The following MMRN2 variants were observed in gnomAD, a reference collection of about 807,000 sequenced individuals.
MMRN2 encodes multimerin 2, also known as multimerin-2.
A neutral mutation model predicts 68.8 loss-of-function variants in MMRN2; 53 were observed. The ratio of observed to expected loss-of-function variants is 0.77; its 90% CI spans 0.62 to 0.97. MMRN2 has a LOEUF of 0.97. Ranked by LOEUF, MMRN2 falls within the 50% of genes least tolerant of loss-of-function variation. The pLI is 0.00. For synonymous variants in MMRN2, 564 were observed against 551.6 expected (o/e 1.02, Z -0.32); for missense variants, 1,266 against 1,259.5 (o/e 1.01, Z -0.08).
At position 86,942,425 on chromosome 10, in the gene MMRN2, C is replaced by A; in HGVS notation, c.2359G>T (p.Asp787Tyr). ...LSRKGKKQQKDLEAPRKRDKK... is the reference protein window; with the variant it reads ...LSRKGKKQQKYLEAPRKRDKK... ...TCCCTCTTCCGGGGAGCTTCCAGGT[C>A]TTTCTGCTGCTTCTTCCCTTTCCTG... Residue 787 changes from aspartate (D) to tyrosine (Y), a missense_variant, in exon 6 of 7, where the codon GAC (aspartate) becomes TAC (tyrosine). Coordinates refer to ENST00000372027, the MANE Select transcript of MMRN2 (RefSeq NM_024756.3). 6.2e-7 allele frequency: 1 copy of A among 1,614,220 alleles called. No individual in the cohort carries two copies. The highest frequency in any genetic ancestry group is 8.5e-7 in the Non-Finnish European group (1 of 1,180,040).
At chr10:86,954,420 G>T (rs1318113348) in intron 1 of MMRN2, among the ~76,000 whole-genome samples, 1 of 152,224 alleles carries the variant, frequency 6.6e-6, no homozygotes, top group African/African-American at 2.4e-5. Context: ...TCATCGAAAT[G>T]CGAAGAAGCT....
chr10:86,956,390 C>T, intron 1 of MMRN2, among the ~76,000 whole-genome samples: 1 of 152,218 alleles, frequency 6.6e-6, no homozygotes, highest in South Asian at 2.1e-4. Context: ...GGCAGGTCCG[C>T]TCTGCGATGG....
rs1266315023 is a variant in MMRN2 at position 86,942,738 on chromosome 10, G to A, written c.2046C>T (p.His682=). Residue 682 remains histidine, a synonymous_variant, in exon 6 of 7, where the codon CAC becomes CAT. Coordinates refer to ENST00000372027, the MANE Select transcript of MMRN2 (RefSeq NM_024756.3). The part of the protein sequence containing the change: ...PRPAEHLEPS[H]DAGREEAATT... Reference sequence around the variant, plus strand: ...TGGCGGCCTCCTCGCGGCCCGCGTCGTGGCTGGGCTCCAGGTGCTCTGCCG... The same window carrying A: ...TGGCGGCCTCCTCGCGGCCCGCGTCATGGCTGGGCTCCAGGTGCTCTGCCG... 1.4e-6 allele frequency: 2 copies of A among 1,416,134 alleles called. No homozygotes were observed. Among genetic ancestry groups the A allele is most frequent in the South Asian group, 1.5e-5 (1 of 65,132 alleles). 87.7% of individuals were successfully genotyped at this position (1,416,134 alleles called of 1,614,324 possible). A position where few individuals can be genotyped will look rare whatever the true frequency, so the allele number is the denominator to read the frequency against.
intron 1 of MMRN2, chr10:86,954,406 C>G (rs1844188231): frequency 6.6e-6 from 1 of 152,612 alleles, no homozygotes; most frequent in Non-Finnish European, 1.5e-5. Context: ...AGGCCCTTCC[C>G]CCATCATCGA....
At chr10:86,950,632 C>T (rs1387123846) in intron 1 of MMRN2, among the ~76,000 whole-genome samples, 1 of 152,172 alleles carries the variant, frequency 6.6e-6, no homozygotes, top group African/African-American at 2.4e-5. Context: ...CACCTGGAGG[C>T]TCTGGGAGCC....
chr10:86,951,133 A>G (rs771371985), intron 1 of MMRN2, among the ~76,000 whole-genome samples: 1 of 152,216 alleles, frequency 6.6e-6, no homozygotes, highest in Admixed American at 6.5e-5. Context: ...GTAGCAATGC[A>G]AGCATGTTCT....
intron 1 of MMRN2, among the ~76,000 whole-genome samples, chr10:86,955,609 C>T (rs1022164067): frequency 4.6e-5 from 7 of 152,234 alleles, no homozygotes; most frequent in African/African-American, 1.7e-4. Context: ...TAGCAGAACC[C>T]AGTCTGCCTC....
chr10:86,942,552 C>T lies in MMRN2; in HGVS notation c.2232G>A (p.Leu744=). Residue 744 remains leucine, a synonymous_variant, in exon 6 of 7, where the codon TTG becomes TTA. Transcript: ENST00000372027. ...HNALFATQRS[L]EQHQRLFHSL... is the part of the protein sequence containing the mutation. ...TGTGGAAGAGCCGCTGGTGCTGCTC[C>T]AAGCTGCGCTGAGTGGCGAAGAGTG... 1 of 1,613,340 alleles carries T rather than the reference C, an allele frequency of 6.2e-7. No individual in the cohort carries two copies.
chr10:86,938,410 C>T lies in MMRN2; in HGVS notation c.2468-1285G>A, dbSNP rs1843910107. Among the ~76,000 whole-genome samples, 3 of 152,264 alleles carry T rather than the reference C, an allele frequency of 2.0e-5. No homozygotes were observed. In the South Asian group the frequency reaches 6.2e-4, roughly 31 times the overall value. On this transcript the variant is annotated intron_variant, in intron 6 of 6. Coordinates refer to ENST00000372027, the MANE Select transcript of MMRN2 (RefSeq NM_024756.3). ...TTAGGACAGGAACACTGACAGAACA[C>T]TGGTGCCAGGCCCATGCACGGGCAC...
At position 86,948,470 on chromosome 10, in the gene MMRN2, C is replaced by T. The variant is rs759984890; in HGVS notation, c.165-2781G>A. Among the ~76,000 whole-genome samples the T allele has an allele frequency of 2.0e-5, 3 of 151,846 alleles. No individual in the cohort carries two copies. In the East Asian group the frequency reaches 5.8e-4, roughly 29 times the overall value. ...AAAAGGAACTCTTGGAAATTAAAAA[C>T]GTAACAGTAAAAATGAAAATAAATT... On this transcript the variant is annotated intron_variant, in intron 1 of 6. Transcript: ENST00000372027.
At chr10:86,941,125 G>A (rs1195460104) in intron 6 of MMRN2, among the ~76,000 whole-genome samples, 1 of 152,190 alleles carries the variant, frequency 6.6e-6, no homozygotes, top group Admixed American at 6.5e-5. Flanking sequence ...TGTTGGGATG[G>A]GCCATTGTGG....
Position 86,944,453 on chromosome 10 carries a change from A to G in MMRN2, c.482-18T>C, listed in dbSNP as rs762159998. The G allele has an allele frequency of 6.2e-7, 1 of 1,612,542 alleles. No homozygotes were observed. Among genetic ancestry groups the G allele is most frequent in the East Asian group, 2.2e-5 (1 of 44,876 alleles). ...AAGGTGGCCTAAATACACAGCAGAC[A>G]TAAATGTCAAGGGCTAACTCACCAG... On this transcript the variant is annotated intron_variant, in intron 4 of 6. Coordinates refer to ENST00000372027, the MANE Select transcript of MMRN2 (RefSeq NM_024756.3).
At position 86,938,414 on chromosome 10, in the gene MMRN2, T is replaced by G. The variant is rs34947763; in HGVS notation, c.2468-1289A>C. 4.9e-3 allele frequency among the ~76,000 whole-genome samples: 754 copies of G among 152,352 alleles called. 4 individuals are homozygous for G. The highest frequency in any genetic ancestry group is 0.034 in the Middle Eastern group (10 of 294). On this transcript the variant is annotated intron_variant, in intron 6 of 6. Coordinates refer to ENST00000372027, the MANE Select transcript of MMRN2 (RefSeq NM_024756.3). ...GACAGGAACACTGACAGAACACTGG[T>G]GCCAGGCCCATGCACGGGCACAGAA...
intron 6 of MMRN2, among the ~76,000 whole-genome samples, chr10:86,940,731 G>A (rs1843954266): frequency 6.6e-6 from 1 of 152,196 alleles, no homozygotes; most frequent in South Asian, 2.1e-4. Flanking sequence ...CTTCAACAAG[G>A]CCTTGGACTT....
intron 1 of MMRN2, 197 bp from the exon 2 acceptor site, chr10:86,945,886 G>C: frequency 7.1e-7 from 1 of 1,406,504 alleles, no homozygotes; most frequent in Non-Finnish European, 9.3e-7. Flanking sequence ...CCTGCAAAGA[G>C]GGCACCTGCT....
At chr10:86,951,999 C>T (rs1331284711) in intron 1 of MMRN2, among the ~76,000 whole-genome samples, 1 of 152,092 alleles carries the variant, frequency 6.6e-6, no homozygotes, top group Non-Finnish European at 1.5e-5. Context: ...AGTGAGCCGA[C>T]ATTGAACCAC....
At chr10:86,950,074 C>T (rs1046772047) in intron 1 of MMRN2, among the ~76,000 whole-genome samples, 27 of 149,652 alleles carry the variant, frequency 1.8e-4, no homozygotes, top group Non-Finnish European at 2.5e-4. Context: ...AGGCCGGGTA[C>T]GGTGGCTCAT....
Position 86,935,810 on chromosome 10 carries a change from C to T in MMRN2, c.*933G>A, listed in dbSNP as rs1038467445. The T allele has an allele frequency of 1.3e-5, 2 of 152,254 alleles. No homozygotes were observed. Among genetic ancestry groups the T allele is most frequent in the African/African-American group, 4.8e-5 (2 of 41,444 alleles). 9.4% of individuals were successfully genotyped at this position (152,254 alleles called of 1,614,324 possible). A position where few individuals can be genotyped will look rare whatever the true frequency, so the allele number is the denominator to read the frequency against. On this transcript the variant is annotated 3_prime_UTR_variant, in exon 7 of 7. Coordinates refer to ENST00000372027, the MANE Select transcript of MMRN2 (RefSeq NM_024756.3). ...ACAAGTGTATTAGTCCATTTTCACA[C>T]TGCTATCAAGAATTGCCCAAGACTG...
intron 1 of MMRN2, among the ~76,000 whole-genome samples, chr10:86,950,038 C>CA (rs975467245): frequency 6.6e-6 from 1 of 150,904 alleles, no homozygotes; most frequent in African/African-American, 2.4e-5. Flanking sequence ...TTCATCTCTA[C>CA]AAAAAATACA....
Sources: gnomAD v4.1 joint callset for allele counts (sites outside exome capture counted in the v4.1 genomes callset) on GRCh38, gnomAD v4.1.1 for gene constraint, MANE v1.5 for transcripts, NCBI Gene and HGNC (gene_info 2026-07-23, HGNC 2026-07-21) for gene names.